Variants in ELAPOR2 observed in about 807,000 individuals in gnomAD.
ELAPOR2 encodes endosome/lysosome-associated apoptosis and autophagy regulator family member 2.
In ELAPOR2, 89 loss-of-function variants were observed where a neutral mutation model predicts 120.7. The ratio of observed to expected loss-of-function variants is 0.74; its 90% CI spans 0.62 to 0.88. The LOEUF (loss-of-function observed/expected upper bound fraction) is 0.88, where lower values mean the gene tolerates loss of function less well. ELAPOR2 is among the 40% of genes least tolerant of loss of function. The pLI, the probability that ELAPOR2 is intolerant of heterozygous loss-of-function variation, is 0.00. For synonymous variants in ELAPOR2, 444 were observed against 444.9 expected, an observed-to-expected ratio of 1.00 and a Z score of 0.03; for missense variants, 1,134 against 1,251.6, an observed-to-expected ratio of 0.91 and a Z score of 1.42.
chr7:87,039,375 C>A lies in ELAPOR2; in HGVS notation c.189+19950G>T, dbSNP rs111488211. Among the ~76,000 whole-genome samples the A allele has an allele frequency of 8.2e-3, 1,244 of 152,126 alleles. 19 individuals carry two copies. Among genetic ancestry groups the A allele is most frequent in the African/African-American group, 0.029 (1,195 of 41,474 alleles). ...GTCCAACTCAAGCTATTCTGAAAAC[C>A]CAAGAGGAGAGAATACTTCCAAACT... On this transcript the variant is annotated intron_variant, in intron 1 of 21. Coordinates refer to ENST00000450689, the MANE Select transcript of ELAPOR2 (RefSeq NM_001142749.3).
chr7:87,000,641 A>G (rs968911921), intron 1 of ELAPOR2, among the ~76,000 whole-genome samples: 7 of 152,100 alleles, frequency 4.6e-5, no homozygotes, highest in African/African-American at 1.7e-4. Context: ...TATAAGACAA[A>G]CCCCACATGC....
chr7:87,059,344 G>C lies in ELAPOR2; in HGVS notation c.170C>G (p.Pro57Arg), dbSNP rs1174267829. The C allele has an allele frequency of 2.4e-6, 3 of 1,248,264 alleles. No individual in the cohort carries two copies. The highest frequency in any genetic ancestry group is 2.3e-4 in the Middle Eastern group (1 of 4,426). 77.3% of individuals were successfully genotyped at this position (1,248,264 alleles called of 1,614,324 possible). The part of the protein sequence containing the change: ...AGDLPSSSSR[P>R]LPPCQEKDYH... The stretch of plus-strand genomic sequence containing the variant: ...GCTCACCTCCTGGCAAGGAGGAAGC[G>C]GGCGGCTGGAGGAGGAGGGCAGGTC... Residue 57 changes from proline to arginine, a missense_variant, in exon 1 of 22, where the codon CCG becomes CGG. Physicochemically the swap from Pro to Arg is moderately radical, Grantham distance 103 (BLOSUM62 -2). Coordinates refer to ENST00000450689, the MANE Select transcript of ELAPOR2 (RefSeq NM_001142749.3).
chr7:86,904,199 C>A (rs1353535256), intron 18 of ELAPOR2, among the ~76,000 whole-genome samples: 2 of 152,144 alleles, frequency 1.3e-5, no homozygotes, highest in Admixed American at 1.3e-4. Context: ...AAAAATGCTT[C>A]TCTTTATCTG....
chr7:87,041,773 A>G (rs549529325), intron 1 of ELAPOR2, among the ~76,000 whole-genome samples: 46 of 151,960 alleles, frequency 3.0e-4, no homozygotes, highest in Non-Finnish European at 5.4e-4. Flanking sequence ...ATTAACTTTA[A>G]ACGTAAATGG....
chr7:86,890,557 T>C (rs1297695258), intron 21 of ELAPOR2, among the ~76,000 whole-genome samples: 1 of 152,008 alleles, frequency 6.6e-6, no homozygotes, highest in African/African-American at 2.4e-5. Flanking sequence ...CTTTGGGAGC[T>C]GGTATAAAGG....
intron 1 of ELAPOR2, among the ~76,000 whole-genome samples, chr7:87,001,615 T>C (rs966670258): frequency 2.0e-5 from 3 of 151,962 alleles, no homozygotes; most frequent in Non-Finnish European, 2.9e-5. Flanking sequence ...AGTCTTCCAT[T>C]TTAGATGCTC....
At chr7:87,043,283 C>T (rs1215111625) in intron 1 of ELAPOR2, among the ~76,000 whole-genome samples, 1 of 151,368 alleles carries the variant, frequency 6.6e-6, no homozygotes, top group Non-Finnish European at 1.5e-5. Flanking sequence ...CATTCTGATA[C>T]CAAAGTCAGG....
intron 15 of ELAPOR2, among the ~76,000 whole-genome samples, chr7:86,911,177 C>A (rs928665164): frequency 6.6e-6 from 1 of 152,042 alleles, no homozygotes; most frequent in Non-Finnish European, 1.5e-5. Flanking sequence ...CACTGCTTCC[C>A]ACAGTATCTG....
intron 1 of ELAPOR2, among the ~76,000 whole-genome samples, chr7:86,997,842 A>G (rs985398579): frequency 7.9e-5 from 12 of 152,160 alleles, no homozygotes; most frequent in Admixed American, 6.6e-4. Context: ...GATTTGCCCT[A>G]TACATCCTAA....
At position 87,002,275 on chromosome 7, in the gene ELAPOR2, G is replaced by A. The variant is rs1161148245; in HGVS notation, c.190-37251C>T. Among the ~76,000 whole-genome samples, 4 of 152,278 alleles carry A rather than the reference G, an allele frequency of 2.6e-5. No homozygotes were observed. The East Asian group carries it at 5.8e-4, about 22-fold the overall frequency. ...AGTTGTGGCCTGAGGAGGGGAGAAAGTGGCCTGATCTCTTTCCTCTATGCC... is the reference window on the plus strand; with the variant it reads ...AGTTGTGGCCTGAGGAGGGGAGAAAATGGCCTGATCTCTTTCCTCTATGCC... On this transcript the variant is annotated intron_variant, in intron 1 of 21. Transcript: ENST00000450689.
intron 1 of ELAPOR2, among the ~76,000 whole-genome samples, chr7:87,003,665 G>T (rs1631458): frequency 0.38 from 57,465 of 151,920 alleles, 11,720 homozygotes; most frequent in African/African-American, 0.53. Flanking sequence ...TCTCAGGTAG[G>T]TCTTTATAAC....
chr7:86,939,863 A>G, intron 6 of ELAPOR2, 147 bp downstream of exon 6: 1 of 424,924 alleles, frequency 2.4e-6, no homozygotes, highest in Non-Finnish European at 4.2e-6. Context: ...TGGGAGTAAA[A>G]CCAGGGTCTC....
intron 18 of ELAPOR2, among the ~76,000 whole-genome samples, chr7:86,903,275 T>C (rs1218986489): frequency 1.3e-5 from 2 of 152,214 alleles, no homozygotes; most frequent in Non-Finnish European, 2.9e-5. Flanking sequence ...GTTTTTTCAT[T>C]TCTTGATCAA....
At chr7:87,000,758 CA>C (rs1793291097) in intron 1 of ELAPOR2, among the ~76,000 whole-genome samples, 1 of 152,148 alleles carries the variant, frequency 6.6e-6, no homozygotes, top group Admixed American at 6.5e-5. Flanking sequence ...TGACCCCTAT[CA>C]AAAAGTAGCT....
chr7:86,912,105 G>A lies in ELAPOR2; in HGVS notation c.2136C>T (p.Phe712=). The change falls in exon 15 of 22, where the codon TTC becomes TTT. Residue 712 remains phenylalanine, a synonymous_variant. Coordinates refer to ENST00000450689, the MANE Select transcript of ELAPOR2 (RefSeq NM_001142749.3). ...PSFTSKGTKY[F]HFFNISLCGH... ...CACATAAACTGATATTGAAGAAATG[G>A]AAGTATTTTGTTCCTTTGGAGGTGA... is the stretch of plus-strand genomic sequence containing the variant. 6.2e-7 allele frequency: 1 copy of A among 1,610,884 alleles called. No individual in the cohort carries two copies.
chr7:87,009,323 T>G (rs192155362), intron 1 of ELAPOR2, among the ~76,000 whole-genome samples: 2 of 152,250 alleles, frequency 1.3e-5, no homozygotes, highest in East Asian at 3.9e-4. Flanking sequence ...GATTTCAATA[T>G]ACATAATAGA....
At position 86,896,315 on chromosome 7, in the gene ELAPOR2, T is replaced by A. The variant is rs191879006; in HGVS notation, c.2685+1191A>T. 1.4e-3 allele frequency among the ~76,000 whole-genome samples: 208 copies of A among 152,218 alleles called. 1 individual carries two copies. Among genetic ancestry groups the A allele is most frequent in the Middle Eastern group, 3.4e-3 (1 of 294 alleles). ...TTGTGTGTGTGTGTGCTGGGTTTGA[T>A]GTACAATATAATTCTTAATATAGTT... On this transcript the variant is annotated intron_variant, in intron 19 of 21. Coordinates refer to ENST00000450689, the MANE Select transcript of ELAPOR2 (RefSeq NM_001142749.3).
At chr7:87,032,360 C>T (rs1361600178) in intron 1 of ELAPOR2, among the ~76,000 whole-genome samples, 1 of 151,924 alleles carries the variant, frequency 6.6e-6, no homozygotes. Context: ...AATGCCTGAG[C>T]CATATTAACT....
At chr7:86,984,507 A>C (rs995726297) in intron 1 of ELAPOR2, among the ~76,000 whole-genome samples, 1 of 152,348 alleles carries the variant, frequency 6.6e-6, no homozygotes, top group South Asian at 2.1e-4. Context: ...AGTGCAAACA[A>C]ATTAGAACTC....
Sources: allele counts gnomAD v4.1 joint callset (sites outside exome capture counted in the v4.1 genomes callset), GRCh38; gene constraint gnomAD v4.1.1; transcripts MANE v1.5; gene names NCBI Gene and HGNC (gene_info 2026-07-23, HGNC 2026-07-21).